The following CYP4B1 variants were observed in gnomAD, a reference collection of about 807,000 sequenced individuals.
CYP4B1 encodes the protein cytochrome P450 family 4 subfamily B member 1, also known as cytochrome P450 4B1.
In CYP4B1, 45 loss-of-function variants were observed where a neutral mutation model predicts 54.0. That is an observed-to-expected ratio of 0.83 (90% CI 0.66 to 1.07). CYP4B1 has a LOEUF of 1.07. Ranked by LOEUF, CYP4B1 falls within the 50% of genes least tolerant of loss-of-function variation. The probability of loss-of-function intolerance (pLI) is 0.00; values close to 1 mark genes in which losing one functional copy is unlikely to be tolerated. For missense variants in CYP4B1, 656 were observed against 655.4 expected (o/e 1.00, Z -0.01); for synonymous variants, 248 against 247.5 (o/e 1.00, Z -0.02).
intron 1 of CYP4B1, among the ~76,000 whole-genome samples, chr1:46,806,222 T>C (rs1678853874): frequency 6.6e-6 from 1 of 152,222 alleles, no homozygotes; most frequent in Non-Finnish European, 1.5e-5. Flanking sequence ...GAGACCGACA[T>C]GACCTGCCTT....
chr1:46,812,720 A>G (rs1205665874), intron 4 of CYP4B1, 97 bp downstream of exon 4: 3 of 1,386,522 alleles, frequency 2.2e-6, no homozygotes, highest in Non-Finnish European at 3.0e-6. Context: ...GGTGCTCTGC[A>G]GTAAGGAGAA....
chr1:46,803,428 C>A (rs1034635285), intron 1 of CYP4B1, among the ~76,000 whole-genome samples: 1 of 152,056 alleles, frequency 6.6e-6, no homozygotes, highest in South Asian at 2.1e-4. Flanking sequence ...CTCCATGTAG[C>A]AGGAAAAGGA....
chr1:46,813,220 G>C (rs1322753386), intron 4 of CYP4B1, among the ~76,000 whole-genome samples: 1 of 152,214 alleles, frequency 6.6e-6, no homozygotes, highest in African/African-American at 2.4e-5. Context: ...AGGCTGCCCT[G>C]ACTGGGAGAA....
intron 1 of CYP4B1, among the ~76,000 whole-genome samples, chr1:46,803,499 G>C (rs1678739503): frequency 6.6e-6 from 1 of 152,208 alleles, no homozygotes; most frequent in Non-Finnish European, 1.5e-5. Flanking sequence ...GACTAGAGCA[G>C]AATCTAGCGA....
intron 1 of CYP4B1, among the ~76,000 whole-genome samples, chr1:46,808,050 A>G (rs1192591823): frequency 1.3e-5 from 2 of 152,158 alleles, no homozygotes; most frequent in Non-Finnish European, 2.9e-5. Flanking sequence ...TGAAACTGCT[A>G]TTCATGAGGA....
intron 1 of CYP4B1, among the ~76,000 whole-genome samples, chr1:46,807,464 G>C (rs1678908217): frequency 6.6e-6 from 1 of 152,206 alleles, no homozygotes; most frequent in Non-Finnish European, 1.5e-5. Context: ...GAATGGCCAG[G>C]TGACCAGGAA....
At chr1:46,807,733 T>C (rs1029142345) in intron 1 of CYP4B1, among the ~76,000 whole-genome samples, 6 of 152,176 alleles carry the variant, frequency 3.9e-5, no homozygotes, top group African/African-American at 7.2e-5. Flanking sequence ...AATGGGATGA[T>C]TACAGACGAC....
At chr1:46,804,048 G>A (rs749516955) in intron 1 of CYP4B1, among the ~76,000 whole-genome samples, 43 of 152,210 alleles carry the variant, frequency 2.8e-4, no homozygotes, top group Non-Finnish European at 5.3e-4. Flanking sequence ...GGAAAGAGCT[G>A]TCAACTGAGA....
In CYP4B1 at chr1:46,818,723, G is replaced by A. The variant is rs45622937; in HGVS notation, c.1448G>A (p.Arg483Gln). Reference protein sequence around the residue: ...LRFEFSLDPSRLPIKMPQLVL... With the variant: ...LRFEFSLDPSQLPIKMPQLVL... ...TTTGAGTTCTCTCTGGACCCCTCAC[G>A]GCTGCCCATCAAGATGCCCCAGCTT... The change falls in exon 12 of 12, where the codon CGG (arginine) becomes CAG (glutamine). Residue 483 changes from arginine (R) to glutamine (Q), a missense_variant. Coordinates refer to ENST00000371923, the MANE Select transcript of CYP4B1 (RefSeq NM_001099772.2). The A allele has an allele frequency of 4.2e-3, 6,766 of 1,614,058 alleles. 261 individuals carry two copies. The African/African-American group carries it at 0.08, about 19-fold the overall frequency.
intron 7 of CYP4B1, 79 bp downstream of exon 7, chr1:46,814,394 G>C (rs1340695898): frequency 6.8e-6 from 7 of 1,027,654 alleles, no homozygotes; most frequent in Non-Finnish European, 8.7e-6. Flanking sequence ...ACAGCAGAAG[G>C]AGCTCTTAAG....
At position 46,815,204 on chromosome 1, in the gene CYP4B1, A is replaced by C. The variant is rs1258116724; in HGVS notation, c.1013A>C (p.His338Pro). 2 of 1,607,372 alleles carry C rather than the reference A, an allele frequency of 1.2e-6. No homozygotes were observed. Among genetic ancestry groups the C allele is most frequent in the Non-Finnish European group, 1.7e-6 (2 of 1,176,502 alleles). Reference protein sequence around the residue: ...FLYCMALYPEHQHRCREEVRE... With the variant: ...FLYCMALYPEPQHRCREEVRE... ...TACTGCATGGCCCTGTACCCTGAGC[A>C]CCAGCATCGTTGTAGAGAGGAGGTC... Residue 338 changes from histidine (H) to proline (P), a missense_variant, in exon 8 of 12, where the codon CAC becomes CCC. By Grantham distance (77) the His-to-Pro change is moderately conservative. Transcript: ENST00000371923.
Position 46,799,052 on chromosome 1 carries a change from G to GAAGGCAGGTCAT in CYP4B1, c.-29_-28insAGGCAGGTCATA. On this transcript the variant is annotated 5_prime_UTR_variant, in exon 1 of 12. It adds an upstream start codon to the 5' untranslated region. Transcript: ENST00000371923. Reference sequence around the variant, plus strand: ...CCCAGGAGCAGCTGAAGGCAGGTCAGATGAAGGCTAGGTGGCTGGAACTGC... The same window carrying GAAGGCAGGTCAT: ...CCCAGGAGCAGCTGAAGGCAGGTCAGAAGGCAGGTCATATGAAGGCTAGGTGGCTGGAACTGC... 2 of 1,611,716 alleles carry GAAGGCAGGTCAT rather than the reference G, an allele frequency of 1.2e-6. No homozygotes were observed. The highest frequency in any genetic ancestry group is 1.7e-6 in the Non-Finnish European group (2 of 1,178,766).
At chr1:46,817,213 A>C in intron 9 of CYP4B1, 32 bp downstream of exon 9, 1 of 1,613,512 alleles carries the variant, frequency 6.2e-7, no homozygotes, top group East Asian at 2.2e-5. Flanking sequence ...GTGGAAAAGG[A>C]GTCCCTGCAT....
intron 2 of CYP4B1, 35 bp from the exon 3 acceptor site, chr1:46,811,105 G>A (rs775320556): frequency 9.3e-6 from 15 of 1,613,456 alleles, no homozygotes; most frequent in South Asian, 3.3e-5. Context: ...TAGGAACCCC[G>A]GGTCCCTGCT....
At chr1:46,811,986 A>T (rs1236022735) in intron 3 of CYP4B1, among the ~76,000 whole-genome samples, 1 of 152,192 alleles carries the variant, frequency 6.6e-6, no homozygotes, top group African/African-American at 2.4e-5. Context: ...GGTTAGGAAA[A>T]TGAAGAGGTG....
At chr1:46,806,783 C>T (rs950472455) in intron 1 of CYP4B1, 16 of 152,218 alleles carry the variant, frequency 1.1e-4, no homozygotes, top group African/African-American at 3.9e-4. Flanking sequence ...TATTTTCATA[C>T]CCTGCTCTCT....
chr1:46,799,392 T>G (rs1381128306), intron 1 of CYP4B1, 131 bp downstream of exon 1: 2 of 829,198 alleles, frequency 2.4e-6, no homozygotes, highest in African/African-American at 3.4e-5. Context: ...CTGGGATCCA[T>G]GGCTTCCATT....
At chr1:46,800,407 T>G (rs1433030602) in intron 1 of CYP4B1, among the ~76,000 whole-genome samples, 1 of 151,540 alleles carries the variant, frequency 6.6e-6, no homozygotes. Flanking sequence ...TTTGGCTCAC[T>G]GCAACCTCTG....
chr1:46,801,058 T>C (rs1233696780), intron 1 of CYP4B1, among the ~76,000 whole-genome samples: 1 of 152,186 alleles, frequency 6.6e-6, no homozygotes, highest in African/African-American at 2.4e-5. Context: ...GGAGATCTGA[T>C]CTGATTCATC....
Sources: gnomAD v4.1 joint callset for allele counts (sites outside exome capture counted in the v4.1 genomes callset) on GRCh38, gnomAD v4.1.1 for gene constraint, MANE v1.5 for transcripts, NCBI Gene and HGNC (gene_info 2026-07-23, HGNC 2026-07-21) for gene names.